Variants in LEPR observed in about 807,000 individuals in gnomAD.
LEPR encodes leptin receptor, also known as OB receptor.
In LEPR, 56 loss-of-function variants were observed where a neutral mutation model predicts 114.7. The ratio of observed to expected loss-of-function variants is 0.49; its 90% CI spans 0.39 to 0.61. The LOEUF (loss-of-function observed/expected upper bound fraction) is 0.61, where lower values mean the gene tolerates loss of function less well. Among genes scored for constraint, LEPR ranks in the 20% least tolerant of loss-of-function variants. LEPR has a pLI of 0.00. For synonymous variants in LEPR, 443 were observed against 461.4 expected, an observed-to-expected ratio of 0.96 and a Z score of 0.51; for missense variants, 1,202 against 1,352.9, an observed-to-expected ratio of 0.89 and a Z score of 1.75.
chr1:65,558,631 G>A (rs1368304110), intron 2 of LEPR, among the ~76,000 whole-genome samples: 2 of 64,776 alleles, frequency 3.1e-5, no homozygotes, highest in Non-Finnish European at 5.6e-5. Context: ...CATGTGCCAT[G>A]CTGGTGCGCT....
Position 65,570,484 on chromosome 1 carries a change from G to A in LEPR, c.52G>A (p.Val18Met), listed in dbSNP as rs754188832. 1.2e-6 allele frequency: 2 copies of A among 1,613,350 alleles called. No individual in the cohort carries two copies. Among genetic ancestry groups the A allele is most frequent in the East Asian group, 2.2e-5 (1 of 44,824 alleles). The change falls in exon 4 of 20, where the codon GTG becomes ATG. Residue 18 changes from valine to methionine, a missense_variant. Coordinates refer to ENST00000349533, the MANE Select transcript of LEPR (RefSeq NM_002303.6). ...VVLLHWEFIY[V>M]ITAFNLSYPI... ...TAATATCCTAACAGAATTTATTTAT[G>A]TGATAACTGCGTTTAACTTGTCATA... is the stretch of plus-strand genomic sequence containing the variant.
In LEPR at chr1:65,636,558, C is replaced by G. The variant is rs563763692; in HGVS notation, c.3041C>G (p.Ser1014Cys). 586 of 1,614,074 alleles carry G rather than the reference C, an allele frequency of 3.6e-4. 6 individuals are homozygous for G. The South Asian group carries it at 6.2e-3, about 17-fold the overall frequency. The part of the protein sequence containing the change: ...LINSSVTKCF[S>C]SKNSPLKDSF... ...AATAGTTCAGTCACCAAGTGCTTCT[C>G]TAGCAAAAATTCTCCGTTGAAGGAT... Residue 1014 changes from serine (S) to cysteine (C), a missense_variant, in exon 20 of 20, where the codon TCT becomes TGT. Transcript: ENST00000349533.
intron 2 of LEPR, among the ~76,000 whole-genome samples, chr1:65,549,215 G>A (rs760387620): frequency 0.023 from 3,358 of 148,532 alleles, 54 homozygotes; most frequent in Admixed American, 0.029. Context: ...TGGGTAACCC[G>A]ACCTTTCTCT....
chr1:65,485,879 G>A (rs1647461347), intron 2 of LEPR, among the ~76,000 whole-genome samples: 1 of 152,076 alleles, frequency 6.6e-6, no homozygotes, highest in Non-Finnish European at 1.5e-5. Flanking sequence ...TAAGCCTGTT[G>A]GGAAGCTCTC....
At chr1:65,574,410 A>T (rs988703462) in intron 5 of LEPR, among the ~76,000 whole-genome samples, 1 of 152,208 alleles carries the variant, frequency 6.6e-6, no homozygotes, top group Non-Finnish European at 1.5e-5. Context: ...TAATAAAAAA[A>T]ATTTAAATTT....
chr1:65,608,272 C>T (rs1349674400), intron 11 of LEPR, among the ~76,000 whole-genome samples: 5 of 151,254 alleles, frequency 3.3e-5, no homozygotes, highest in African/African-American at 1.2e-4. Flanking sequence ...GCTCTGTCGC[C>T]CAGGCTGGAG....
intron 2 of LEPR, among the ~76,000 whole-genome samples, chr1:65,502,369 C>T (rs1416817242): frequency 6.6e-6 from 1 of 152,094 alleles, no homozygotes; most frequent in Non-Finnish European, 1.5e-5. Flanking sequence ...GCACCTTGAT[C>T]TTGGACTTTC....
At chr1:65,501,284 C>A (rs985595918) in intron 2 of LEPR, among the ~76,000 whole-genome samples, 3 of 151,744 alleles carry the variant, frequency 2.0e-5, no homozygotes, top group Non-Finnish European at 4.4e-5. Flanking sequence ...GCCATACTCC[C>A]TCTGAAGCCT....
At chr1:65,572,013 C>T (rs184464133) in intron 4 of LEPR, among the ~76,000 whole-genome samples, 1 of 145,234 alleles carries the variant, frequency 6.9e-6, no homozygotes, top group South Asian at 2.2e-4. Context: ...AAAGTGAGAA[C>T]TGAGCTAGGT....
intron 2 of LEPR, among the ~76,000 whole-genome samples, chr1:65,437,720 G>GA (rs1646583987): frequency 6.6e-6 from 1 of 152,124 alleles, no homozygotes; most frequent in African/African-American, 2.4e-5. Context: ...GGCGCTACTG[G>GA]AAAAAATATA....
At chr1:65,514,994 A>T (rs1327888690) in intron 2 of LEPR, among the ~76,000 whole-genome samples, 3 of 152,252 alleles carry the variant, frequency 2.0e-5, no homozygotes, top group Admixed American at 1.3e-4. Context: ...AACCAAATAA[A>T]TTTATAAACG....
intron 2 of LEPR, among the ~76,000 whole-genome samples, chr1:65,535,140 T>C (rs557328328): frequency 5.9e-5 from 9 of 152,208 alleles, no homozygotes; most frequent in Admixed American, 5.9e-4. Flanking sequence ...ATTATATGCA[T>C]GTGTGTGCAT....
intron 14 of LEPR, among the ~76,000 whole-genome samples, chr1:65,613,989 A>G (rs1047952822): frequency 6.6e-6 from 1 of 152,230 alleles, no homozygotes; most frequent in East Asian, 1.9e-4. Flanking sequence ...ACTTTTATTC[A>G]TTGCTGTGGA....
At chr1:65,526,911 T>C (rs1315974733) in intron 2 of LEPR, among the ~76,000 whole-genome samples, 3 of 152,236 alleles carry the variant, frequency 2.0e-5, no homozygotes, top group Non-Finnish European at 2.9e-5. Flanking sequence ...CTAGTTTATA[T>C]GCATTTATGA....
intron 2 of LEPR, among the ~76,000 whole-genome samples, chr1:65,452,943 G>T (rs1452097010): frequency 6.6e-6 from 1 of 152,146 alleles, no homozygotes; most frequent in African/African-American, 2.4e-5. Context: ...ATTGATTGTT[G>T]CCACAATTTC....
At chr1:65,428,876 AGTTTT>A (rs1486173033) in intron 2 of LEPR, among the ~76,000 whole-genome samples, 1 of 152,112 alleles carries the variant, frequency 6.6e-6, no homozygotes, top group African/African-American at 2.4e-5. Context: ...GGAGGAAAAC[AGTTTT>A]GTTTTGTTTT....
rs1243971238 is a variant in LEPR at position 65,483,606 on chromosome 1, T to A, written c.-21+58228T>A. The stretch of plus-strand genomic sequence containing the variant: ...CTTAAAATGCCCTACCAGGACTTGG[T>A]ATGTATGATCTGGTTCTCCCTTGCT... On this transcript the variant is annotated intron_variant, in intron 2 of 19. Coordinates refer to ENST00000349533, the MANE Select transcript of LEPR (RefSeq NM_002303.6). Among the ~76,000 whole-genome samples, 3 of 152,176 alleles carry A rather than the reference T, an allele frequency of 2.0e-5. No homozygotes were observed. The South Asian group carries it at 6.2e-4, about 32-fold the overall frequency.
At chr1:65,533,707 T>A (rs1570628289) in intron 2 of LEPR, among the ~76,000 whole-genome samples, 1 of 152,190 alleles carries the variant, frequency 6.6e-6, no homozygotes, top group Non-Finnish European at 1.5e-5. Flanking sequence ...TTCACTAAGA[T>A]CAGTTTAAAA....
chr1:65,519,241 C>T (rs1649510499), intron 2 of LEPR, among the ~76,000 whole-genome samples: 1 of 151,638 alleles, frequency 6.6e-6, no homozygotes, highest in South Asian at 2.1e-4. Context: ...CCTCCACCTC[C>T]CAGGCTCAAG....
Sources: allele counts gnomAD v4.1 joint callset (sites outside exome capture counted in the v4.1 genomes callset), GRCh38; gene constraint gnomAD v4.1.1; transcripts MANE v1.5; gene names NCBI Gene and HGNC (gene_info 2026-07-23, HGNC 2026-07-21).